B4GALNT3: variants seen among roughly 807,000 people sequenced by gnomAD.
The protein encoded by B4GALNT3 is beta-1,4-N-acetylgalactosaminyltransferase 3.
B4GALNT3 carries 86 observed loss-of-function variants against 120.2 expected under a neutral mutation model. That is an observed-to-expected ratio of 0.72 (90% CI 0.60 to 0.86). The LOEUF (loss-of-function observed/expected upper bound fraction) is 0.86. Among genes scored for constraint, B4GALNT3 ranks in the 40% least tolerant of loss-of-function variants. The pLI, the probability that B4GALNT3 is intolerant of heterozygous loss-of-function variation, is 0.00. For missense variants in B4GALNT3, 1,167 were observed against 1,298.9 expected, an observed-to-expected ratio of 0.90 and a Z score of 1.56; for synonymous variants, 518 against 510.4, an observed-to-expected ratio of 1.01 and a Z score of -0.20.
At chr12:560,915 C>T (rs570951589) in intron 19 of B4GALNT3, among the ~76,000 whole-genome samples, 1 of 152,092 alleles carries the variant, frequency 6.6e-6, no homozygotes, top group East Asian at 1.9e-4. Context: ...GCAGCCCTGC[C>T]TTCCTCCGTC....
chr12:532,511 A>G (rs1946818437), intron 1 of B4GALNT3, among the ~76,000 whole-genome samples: 1 of 152,258 alleles, frequency 6.6e-6, no homozygotes, highest in Non-Finnish European at 1.5e-5. Context: ...GCTGATTTAT[A>G]GCCAGCCAGC....
chr12:472,659 G>A (rs1262192135), intron 1 of B4GALNT3, among the ~76,000 whole-genome samples: 1 of 152,166 alleles, frequency 6.6e-6, no homozygotes, highest in Non-Finnish European at 1.5e-5. Context: ...GGATGGTCTC[G>A]ATCTCCTGAC....
Position 460,204 on chromosome 12 carries a change from C to T in B4GALNT3, c.-173C>T, listed in dbSNP as rs1186626394. Among the ~76,000 whole-genome samples, 4 of 150,248 alleles carry T rather than the reference C, an allele frequency of 2.7e-5. No homozygotes were observed. The highest frequency in any genetic ancestry group is 2.6e-4 in the Admixed American group (4 of 15,130). On this transcript the variant is annotated 5_prime_UTR_variant, in exon 1 of 20. Transcript: ENST00000266383. The surrounding 1 kb of genome is among the most constrained non-coding windows in gnomAD (Gnocchi z 8.0). ...GCCCGCGCAGCCCGGAGACCCCTCG[C>T]GCCCGGAGCATGAGCCCGAGCCCCG...
rs191744681 is a variant in B4GALNT3 at position 541,047 on chromosome 12, C to T, written c.352-3292C>T. Among the ~76,000 whole-genome samples the T allele has an allele frequency of 1.4e-4, 21 of 152,318 alleles. No homozygotes were observed. The East Asian group carries it at 1.9e-3, about 14-fold the overall frequency. The stretch of plus-strand genomic sequence containing the variant: ...CGTGAGCCACCGTGCCCGGCAGCTT[C>T]GGAGGTTTTAAGCAGCAGAGTGACT... On this transcript the variant is annotated intron_variant, in intron 3 of 19. Transcript: ENST00000266383.
intron 1 of B4GALNT3, among the ~76,000 whole-genome samples, chr12:506,527 C>T (rs1008844066): frequency 6.6e-6 from 1 of 152,190 alleles, no homozygotes; most frequent in East Asian, 1.9e-4. Context: ...CAGAAGTAAG[C>T]ACCATAAAAA....
rs377572361 is a variant in B4GALNT3 at position 556,575 on chromosome 12, G to T, written c.2089G>T (p.Val697Leu). The change falls in exon 15 of 20, where the codon GTG becomes TTG. Residue 697 changes from valine (V) to leucine (L), a missense_variant. Physicochemically the swap from Val to Leu is conservative, Grantham distance 32. This residue lies in a region of B4GALNT3 where 983 missense variants were observed against 1,102.5 expected (regional missense o/e 0.89). Transcript: ENST00000266383. ...GTACCAGCTACAGCGCATTGTGAACGTGGAAAAGCGTCAGGACCAGCTACG... is the reference window on the plus strand; with the variant it reads ...GTACCAGCTACAGCGCATTGTGAACTTGGAAAAGCGTCAGGACCAGCTACG... ...GRYQLQRIVNVEKRQDQLRGG... is the reference protein window; with the variant it reads ...GRYQLQRIVNLEKRQDQLRGG... 2.5e-6 allele frequency: 4 copies of T among 1,613,684 alleles called. No individual in the cohort carries two copies. The African/African-American group carries it at 5.3e-5, about 22-fold the overall frequency.
In B4GALNT3 at chr12:536,277, T is replaced by A. The variant is rs1477148127; in HGVS notation, c.333T>A (p.Pro111=). 6.2e-7 allele frequency: 1 copy of A among 1,613,916 alleles called. No individual in the cohort carries two copies. Among genetic ancestry groups the A allele is most frequent in the Admixed American group, 1.7e-5 (1 of 60,022 alleles). The change falls in exon 3 of 20, where the codon CCT becomes CCA. Residue 111 remains proline (P), a synonymous_variant. Coordinates refer to ENST00000266383, the MANE Select transcript of B4GALNT3 (RefSeq NM_173593.4). The part of the protein sequence containing the change: ...SNSSYLKWNK[P]VPWLSEFRGR... Reference sequence around the variant, plus strand: ...GCAGCTACTTGAAGTGGAACAAGCCTGTCCCCTGGCTCTCAGAGGTGAGGG... The same window carrying A: ...GCAGCTACTTGAAGTGGAACAAGCCAGTCCCCTGGCTCTCAGAGGTGAGGG...
intron 1 of B4GALNT3, among the ~76,000 whole-genome samples, chr12:511,482 T>TCTTCCACCTTCCACCTTCCAC (rs1285184433): frequency 3.0e-5 from 2 of 66,230 alleles, no homozygotes; most frequent in African/African-American, 1.0e-4. Context: ...TCTTCCACCT[T>TCTTCCACCTTCCACCTTCCAC]CTTCCACCTT....
chr12:524,964 G>A (rs942007635), intron 1 of B4GALNT3, among the ~76,000 whole-genome samples: 2 of 152,302 alleles, frequency 1.3e-5, no homozygotes, highest in African/African-American at 2.4e-5. Flanking sequence ...GAACTTGTTG[G>A]TGGGTTAAGT....
chr12:519,597 C>T (rs1374227651), intron 1 of B4GALNT3, among the ~76,000 whole-genome samples: 1 of 134,180 alleles, frequency 7.5e-6, no homozygotes, highest in Non-Finnish European at 1.6e-5. Context: ...TTCCTTTCTG[C>T]TTTTTTTTTT....
At chr12:546,282 G>A (rs1703286725) in intron 6 of B4GALNT3, among the ~76,000 whole-genome samples, 1 of 150,510 alleles carries the variant, frequency 6.6e-6, no homozygotes, top group Non-Finnish European at 1.5e-5. Context: ...GGAGGAGTGG[G>A]GCAGAGAGTG....
chr12:555,811 G>A (rs1286744695), intron 14 of B4GALNT3, among the ~76,000 whole-genome samples: 1 of 151,090 alleles, frequency 6.6e-6, no homozygotes, highest in Non-Finnish European at 1.5e-5. Flanking sequence ...TTGAGACGGA[G>A]TCTCGCTCTG....
chr12:503,005 T>C (rs1046359516), intron 1 of B4GALNT3, among the ~76,000 whole-genome samples: 1 of 152,166 alleles, frequency 6.6e-6, no homozygotes, highest in African/African-American at 2.4e-5. Flanking sequence ...GCTATTCTCC[T>C]GTCTTGGCTT....
At chr12:491,807 G>A (rs1946341909) in intron 1 of B4GALNT3, among the ~76,000 whole-genome samples, 1 of 151,828 alleles carries the variant, frequency 6.6e-6, no homozygotes, top group Admixed American at 6.6e-5. Context: ...TGTAATCCCA[G>A]CACTTTGGGA....
Position 561,704 on chromosome 12 carries a change from C to T in B4GALNT3, c.*253C>T, listed in dbSNP as rs1424610949. On this transcript the variant is annotated 3_prime_UTR_variant, in exon 20 of 20. Coordinates refer to ENST00000266383, the MANE Select transcript of B4GALNT3 (RefSeq NM_173593.4). The stretch of plus-strand genomic sequence containing the variant: ...GAGGGACCACTTGCTCAGTCGAGAA[C>T]GGGAAGAGCTCCTGAGAAGGACGGG... The T allele has an allele frequency of 2.6e-5, 12 of 461,954 alleles. No individual in the cohort carries two copies. The highest frequency in any genetic ancestry group is 7.4e-5 in the Admixed American group (2 of 27,154). 28.6% of individuals were successfully genotyped at this position (461,954 alleles called of 1,614,324 possible).
intron 1 of B4GALNT3, among the ~76,000 whole-genome samples, chr12:513,630 T>A (rs1388849731): frequency 6.6e-6 from 1 of 152,198 alleles, no homozygotes; most frequent in African/African-American, 2.4e-5. Context: ...ATACCTCCTA[T>A]CTCATTCTGT....
intron 1 of B4GALNT3, among the ~76,000 whole-genome samples, chr12:523,496 C>T (rs1946732558): frequency 6.6e-6 from 1 of 152,174 alleles, no homozygotes; most frequent in Non-Finnish European, 1.5e-5. Flanking sequence ...CTAGATTAGG[C>T]TCAGCCAGCG....
chr12:552,181 G>A lies in B4GALNT3; in HGVS notation c.1208+18G>A. On this transcript the variant is annotated intron_variant, in intron 12 of 19. Transcript: ENST00000266383. ...CAAGACCGGTGAGAGACACTGAGTG[G>A]GGCAGGAAGGTGACCTTGCAGAGGG... The A allele has an allele frequency of 6.3e-7, 1 of 1,577,828 alleles. No homozygotes were observed. The highest frequency in any genetic ancestry group is 8.7e-7 in the Non-Finnish European group (1 of 1,147,186).
At chr12:515,812 A>G (rs10774270) in intron 1 of B4GALNT3, among the ~76,000 whole-genome samples, 88,862 of 152,004 alleles carry the variant, frequency 0.58, 26,316 homozygotes, top group East Asian at 0.67. Context: ...ACAAGTACCT[A>G]TGTGCTGGGC....
Sources: allele counts gnomAD v4.1 joint callset (sites outside exome capture counted in the v4.1 genomes callset), GRCh38; gene constraint gnomAD v4.1.1; regional missense constraint gnomAD v4.1.1; non-coding constraint Gnocchi (gnomAD v3.1); transcripts MANE v1.5; gene names NCBI Gene and HGNC (gene_info 2026-07-23, HGNC 2026-07-21).